PCDH9: variants seen among roughly 807,000 people sequenced by gnomAD.
The protein encoded by PCDH9 is protocadherin 9.
In PCDH9, 24 loss-of-function variants were observed where a neutral mutation model predicts 70.6. The ratio of observed to expected loss-of-function variants is 0.34; its 90% CI spans 0.25 to 0.48. The LOEUF is 0.48. Ranked by LOEUF, PCDH9 falls within the 20% of genes least tolerant of loss-of-function variation. PCDH9 has a pLI of 0.99. For synonymous variants in PCDH9, 562 were observed against 558.5 expected, an observed-to-expected ratio of 1.01 and a Z score of -0.09; for missense variants, 1,281 against 1,503.6, an observed-to-expected ratio of 0.85 and a Z score of 2.45.
chr13:66,645,737 C>A (rs2077762585), intron 3 of PCDH9, among the ~76,000 whole-genome samples: 1 of 152,138 alleles, frequency 6.6e-6, no homozygotes, highest in Non-Finnish European at 1.5e-5. Context: ...CTATCAGAGA[C>A]CCTGTTAGAT....
At chr13:67,223,952 A>C (rs2089789529) in intron 2 of PCDH9, 1 of 152,154 alleles carries the variant, frequency 6.6e-6, no homozygotes, top group African/African-American at 2.4e-5. Flanking sequence ...ACTCTTATAA[A>C]TATTTTATTA....
chr13:67,185,801 C>G (rs1332312119), intron 2 of PCDH9, among the ~76,000 whole-genome samples: 1 of 152,172 alleles, frequency 6.6e-6, no homozygotes, highest in East Asian at 1.9e-4. Flanking sequence ...GGCACAATCT[C>G]AGCTCACTGC....
intron 4 of PCDH9, among the ~76,000 whole-genome samples, chr13:66,353,960 CCT>C (rs1314210355): frequency 6.6e-6 from 1 of 152,130 alleles, no homozygotes; most frequent in Non-Finnish European, 1.5e-5. Flanking sequence ...GAAGGAAAAT[CCT>C]CTTATTAGAA....
At chr13:66,781,251 G>A (rs1354548103) in intron 3 of PCDH9, among the ~76,000 whole-genome samples, 1 of 152,100 alleles carries the variant, frequency 6.6e-6, no homozygotes, top group Non-Finnish European at 1.5e-5. Context: ...ATGACTTTTG[G>A]TGTATTAGCT....
At chr13:66,619,723 T>C (rs762011944) in intron 4 of PCDH9, among the ~76,000 whole-genome samples, 1 of 152,170 alleles carries the variant, frequency 6.6e-6, no homozygotes, top group Non-Finnish European at 1.5e-5. Flanking sequence ...ATTTCTACAT[T>C]ACTTCCAAAA....
intron 4 of PCDH9, among the ~76,000 whole-genome samples, chr13:66,507,643 G>C (rs1959248610): frequency 6.6e-6 from 1 of 152,084 alleles, no homozygotes; most frequent in Non-Finnish European, 1.5e-5. Context: ...AGTGGTAACT[G>C]GCAAAAACGG....
chr13:66,666,250 A>T (rs1354099520), intron 3 of PCDH9, among the ~76,000 whole-genome samples: 1 of 152,146 alleles, frequency 6.6e-6, no homozygotes, highest in Non-Finnish European at 1.5e-5. Context: ...AGGTGATGCC[A>T]GCAGACCAGA....
chr13:66,483,798 A>G (rs536641178), intron 4 of PCDH9, among the ~76,000 whole-genome samples: 1 of 152,206 alleles, frequency 6.6e-6, no homozygotes, highest in South Asian at 2.1e-4. Context: ...CAAATGTTGC[A>G]TTTCCCAAGA....
intron 2 of PCDH9, among the ~76,000 whole-genome samples, chr13:67,079,088 T>C (rs938104297): frequency 2.0e-5 from 3 of 151,846 alleles, no homozygotes; most frequent in Non-Finnish European, 2.9e-5. Flanking sequence ...GGTGAGCGGA[T>C]CACAAGGTCA....
At chr13:67,206,414 T>G (rs2089348130) in intron 2 of PCDH9, 1 of 152,080 alleles carries the variant, frequency 6.6e-6, no homozygotes, top group Admixed American at 6.6e-5. Context: ...TCTGCCCGCC[T>G]CCCAAAGAGC....
At chr13:66,322,115 C>A (rs1410012858) in intron 4 of PCDH9, among the ~76,000 whole-genome samples, 1 of 151,678 alleles carries the variant, frequency 6.6e-6, no homozygotes, top group Non-Finnish European at 1.5e-5. Context: ...ATTGGTGTCA[C>A]ATTATGGTTT....
intron 4 of PCDH9, among the ~76,000 whole-genome samples, chr13:66,309,715 A>G (rs567450233): frequency 9.9e-5 from 15 of 151,942 alleles, no homozygotes; most frequent in African/African-American, 2.6e-4. Context: ...TCATTCATAC[A>G]GTCTCTCAAA....
chr13:66,445,584 C>T (rs1958066558), intron 4 of PCDH9, among the ~76,000 whole-genome samples: 1 of 140,210 alleles, frequency 7.1e-6, no homozygotes, highest in Admixed American at 7.5e-5. Context: ...ATTATATATA[C>T]ACATATATAT....
chr13:66,676,499 G>T (rs1454713251), intron 3 of PCDH9, among the ~76,000 whole-genome samples: 1 of 152,014 alleles, frequency 6.6e-6, no homozygotes, highest in Non-Finnish European at 1.5e-5. Context: ...ATTCTTATAT[G>T]ACTTAAGATA....
intron 3 of PCDH9, among the ~76,000 whole-genome samples, chr13:66,792,464 G>GTT (rs143035239): frequency 0.021 from 3,215 of 152,216 alleles, 122 homozygotes; most frequent in African/African-American, 0.071. Flanking sequence ...GAGGTCAGGA[G>GTT]TTTGAGACCA....
At chr13:66,939,014 A>G (rs1432863201) in intron 2 of PCDH9, among the ~76,000 whole-genome samples, 2 of 152,114 alleles carry the variant, frequency 1.3e-5, no homozygotes, top group African/African-American at 2.4e-5. Flanking sequence ...AGGCATATCA[A>G]TTTATTCAAG....
In PCDH9 at chr13:66,863,690, G is replaced by A. The variant is rs2081522373; in HGVS notation, c.3138+39814C>T. Among the ~76,000 whole-genome samples, 4 of 152,058 alleles carry A rather than the reference G, an allele frequency of 2.6e-5. No individual in the cohort carries two copies. In the South Asian group the frequency reaches 8.3e-4, roughly 32 times the overall value. ...TTTAGTAGAGACGGGGTTTCACCGTGTTAGCCAGATGGTCTTGATCTCCCG... is the reference window on the plus strand; with the variant it reads ...TTTAGTAGAGACGGGGTTTCACCGTATTAGCCAGATGGTCTTGATCTCCCG... On this transcript the variant is annotated intron_variant, in intron 3 of 4. Transcript: ENST00000377865.
intron 2 of PCDH9, among the ~76,000 whole-genome samples, chr13:67,012,314 C>A (rs1317984459): frequency 6.6e-6 from 1 of 151,432 alleles, no homozygotes; most frequent in African/African-American, 2.4e-5. Context: ...ATAATGTGCA[C>A]GTGTGTGTAT....
chr13:66,638,802 G>T (rs1211034612), intron 3 of PCDH9, among the ~76,000 whole-genome samples: 4 of 152,086 alleles, frequency 2.6e-5, no homozygotes, highest in Non-Finnish European at 5.9e-5. Context: ...GATTTCTCAC[G>T]GGAAAAGTTA....
Sources: allele counts gnomAD v4.1 joint callset (sites outside exome capture counted in the v4.1 genomes callset), GRCh38; gene constraint gnomAD v4.1.1; transcripts MANE v1.5; gene names NCBI Gene and HGNC (gene_info 2026-07-23, HGNC 2026-07-21).